EDA: variants seen among roughly 807,000 people sequenced by gnomAD.
EDA encodes the protein ectodysplasin-A.
A neutral mutation model predicts 23.6 loss-of-function variants in EDA; 2 were observed. That is an observed-to-expected ratio of 0.08 (90% CI 0.03 to 0.27). EDA has a LOEUF of 0.27. Among genes scored for constraint, EDA ranks in the 10% least tolerant of loss-of-function variants. The pLI is 1.00. For synonymous variants in EDA, 131 were observed against 132.0 expected (o/e 0.99, Z 0.05); for missense variants, 229 against 324.2 (o/e 0.71, Z 2.26).
intron 1 of EDA, among the ~76,000 whole-genome samples, chrX:69,951,526 A>G (rs1156392487): frequency 8.9e-6 from 1 of 112,025 alleles, no homozygotes; most frequent in Non-Finnish European, 1.9e-5. Flanking sequence ...GGCACTAGCT[A>G]TACAAAAATG....
At chrX:69,670,338 C>T (rs557017388) in intron 1 of EDA, 29 of 363,266 alleles carry the variant, frequency 8.0e-5, no homozygotes, top group African/African-American at 2.4e-4. Context: ...AAAGTTTTCT[C>T]TTTGACTTTT....
chrX:69,861,130 A>C (rs1220776025), intron 1 of EDA: 4 of 356,893 alleles, frequency 1.1e-5, no homozygotes, highest in Non-Finnish European at 2.0e-5. Flanking sequence ...CAGAAGAAGA[A>C]AATGATCCCA....
chrX:69,699,459 G>C (rs2011472112), intron 1 of EDA, among the ~76,000 whole-genome samples: 1 of 111,250 alleles, frequency 9.0e-6, no homozygotes, highest in Non-Finnish European at 1.9e-5. Flanking sequence ...GGAGGCATGG[G>C]GCAGGGATGA....
intron 1 of EDA, among the ~76,000 whole-genome samples, chrX:69,679,175 C>G (rs1934230882): frequency 9.2e-6 from 1 of 109,012 alleles, no homozygotes; most frequent in Non-Finnish European, 1.9e-5. Context: ...ATGAAGCCCA[C>G]TTGATCATGG....
At chrX:69,968,724 A>G (rs2019208984) in intron 2 of EDA, among the ~76,000 whole-genome samples, 1 of 112,356 alleles carries the variant, frequency 8.9e-6, no homozygotes, top group African/African-American at 3.2e-5. Context: ...AGCAGTTTTA[A>G]TTTCTCTGAT....
chrX:69,806,186 T>C (rs1307734807), intron 1 of EDA, among the ~76,000 whole-genome samples: 3 of 111,854 alleles, frequency 2.7e-5, no homozygotes, highest in Non-Finnish European at 5.7e-5. Flanking sequence ...TCCAGTGTAA[T>C]GAAAGGAATA....
intron 1 of EDA, among the ~76,000 whole-genome samples, chrX:69,830,864 A>G (rs750973753): frequency 1.8e-5 from 2 of 111,676 alleles, no homozygotes; most frequent in African/African-American, 6.5e-5. Context: ...ATTCTTTAGA[A>G]CCCTAGTGTA....
intron 1 of EDA, among the ~76,000 whole-genome samples, chrX:69,833,341 T>C (rs2016671286): frequency 8.9e-6 from 1 of 111,974 alleles, no homozygotes; most frequent in Admixed American, 9.5e-5. Flanking sequence ...GGATTACGTT[T>C]ATTGATTTGC....
intron 1 of EDA, among the ~76,000 whole-genome samples, chrX:69,728,241 C>A (rs1377732180): frequency 2.7e-4 from 3 of 11,069 alleles, no homozygotes; most frequent in Non-Finnish European, 3.8e-4. Flanking sequence ...GAGACTCCAT[C>A]TCAAAAAAAA....
chrX:69,634,955 A>G (rs1932742949), intron 1 of EDA, among the ~76,000 whole-genome samples: 1 of 112,220 alleles, frequency 8.9e-6, no homozygotes, highest in South Asian at 3.7e-4. Context: ...TTGTGTTACA[A>G]TTATCTATGA....
At chrX:69,810,472 G>A (rs1442893284) in intron 1 of EDA, among the ~76,000 whole-genome samples, 1 of 106,082 alleles carries the variant, frequency 9.4e-6, no homozygotes, top group Admixed American at 1.0e-4. Flanking sequence ...AGAAACCTGG[G>A]CTGGCTGGGC....
intron 1 of EDA, among the ~76,000 whole-genome samples, chrX:69,899,372 G>C (rs762138867): frequency 6.9e-4 from 77 of 111,440 alleles, no homozygotes; most frequent in Non-Finnish European, 5.8e-4. Context: ...GCCCTTAGCC[G>C]ACCTGCCAAC....
At chrX:69,924,433 G>A (rs142027670) in intron 1 of EDA, among the ~76,000 whole-genome samples, 53 of 37,213 alleles carry the variant, frequency 1.4e-3, no homozygotes, top group African/African-American at 3.7e-3. Context: ...CTTTTTGTCA[G>A]GCTTGTCGAC....
At chrX:69,888,506 T>C (rs1369188724) in intron 1 of EDA, among the ~76,000 whole-genome samples, 1 of 104,809 alleles carries the variant, frequency 9.5e-6, no homozygotes, top group Admixed American at 1.0e-4. Context: ...AGTGACCGAA[T>C]GGATTTAAAA....
At chrX:69,959,800 T>C (rs867390138) in intron 2 of EDA, among the ~76,000 whole-genome samples, 85 of 107,594 alleles carry the variant, frequency 7.9e-4, no homozygotes, top group African/African-American at 2.7e-3. Context: ...AGGAAGGTAC[T>C]CTGATAAGGG....
At chrX:69,875,970 A>G (rs1602501728) in intron 1 of EDA, among the ~76,000 whole-genome samples, 1 of 112,186 alleles carries the variant, frequency 8.9e-6, no homozygotes, top group East Asian at 2.8e-4. Context: ...GGCCATAATC[A>G]AAAAATCAAA....
At chrX:69,702,595 T>C (rs376174440) in intron 1 of EDA, among the ~76,000 whole-genome samples, 1 of 107,804 alleles carries the variant, frequency 9.3e-6, no homozygotes, top group African/African-American at 3.4e-5. Flanking sequence ...CTAAAGGTGG[T>C]TGAGAGAGAG....
chrX:70,013,926 G>A (rs1322429295), intron 2 of EDA, among the ~76,000 whole-genome samples: 1 of 112,076 alleles, frequency 8.9e-6, no homozygotes, highest in Admixed American at 9.4e-5. Context: ...ACCAGGCAGG[G>A]TGCCCTGGCT....
intron 1 of EDA, among the ~76,000 whole-genome samples, chrX:69,668,212 G>T (rs1933754735): frequency 8.9e-6 from 1 of 111,786 alleles, no homozygotes; most frequent in African/African-American, 3.2e-5. Context: ...TTTTCAAATT[G>T]CCCTTTTGAT....
Sources: allele counts gnomAD v4.1 joint callset (sites outside exome capture counted in the v4.1 genomes callset), GRCh38; gene constraint gnomAD v4.1.1; transcripts MANE v1.5; gene names NCBI Gene and HGNC (gene_info 2026-07-23, HGNC 2026-07-21).